NTN4: variants seen among roughly 807,000 people sequenced by gnomAD.
NTN4 encodes the protein netrin 4, also known as netrin-4.
Under a neutral mutation model 73.6 loss-of-function variants are expected in NTN4, and 32 were observed. The observed-to-expected ratio is 0.44, with a 90% CI of 0.33 to 0.58. NTN4 has a LOEUF of 0.58. Among genes scored for constraint, NTN4 ranks in the 20% least tolerant of loss-of-function variants. NTN4 has a pLI of 0.04. For missense variants in NTN4, 654 were observed against 798.3 expected (o/e 0.82, Z 2.18); for synonymous variants, 258 against 287.5 (o/e 0.90, Z 1.04).
At chr12:95,668,892 G>A (rs1349261768) in intron 8 of NTN4, among the ~76,000 whole-genome samples, 1 of 152,242 alleles carries the variant, frequency 6.6e-6, no homozygotes, top group African/African-American at 2.4e-5. Context: ...TTGGGAGGCC[G>A]AGGCAGGCGG....
intron 7 of NTN4, chr12:95,672,718 G>A: frequency 2.1e-6 from 3 of 1,421,238 alleles, no homozygotes; most frequent in Non-Finnish European, 3.0e-6. Flanking sequence ...CATCAGTAAG[G>A]ATCGTAGGTA....
chr12:95,720,528 C>T (rs552539135), intron 3 of NTN4, among the ~76,000 whole-genome samples: 1 of 152,086 alleles, frequency 6.6e-6, no homozygotes, highest in East Asian at 1.9e-4. Context: ...TTCCAATAAA[C>T]GTGTATTTTT....
chr12:95,702,859 T>G (rs367843448), intron 5 of NTN4, among the ~76,000 whole-genome samples: 17 of 73,242 alleles, frequency 2.3e-4, no homozygotes, highest in Non-Finnish European at 3.5e-4. Flanking sequence ...TTTTTTTTGG[T>G]TTTTTTTTTT....
At chr12:95,766,944 G>T (rs778445073) in intron 2 of NTN4, among the ~76,000 whole-genome samples, 1 of 152,174 alleles carries the variant, frequency 6.6e-6, no homozygotes, top group African/African-American at 2.4e-5. Context: ...TTTGTAAAAA[G>T]GAATTAATAT....
chr12:95,739,573 T>A (rs980482540), intron 2 of NTN4, among the ~76,000 whole-genome samples: 1 of 152,264 alleles, frequency 6.6e-6, no homozygotes, highest in Non-Finnish European at 1.5e-5. Flanking sequence ...ATGGGCTTTA[T>A]ATGGAACTGA....
intron 2 of NTN4, among the ~76,000 whole-genome samples, chr12:95,750,878 C>T (rs1181177325): frequency 6.6e-6 from 1 of 151,028 alleles, no homozygotes; most frequent in Non-Finnish European, 1.5e-5. Context: ...TTACAGTTTC[C>T]TTCCGTGACT....
At chr12:95,666,085 A>G in intron 8 of NTN4, 105 bp from the exon 9 acceptor site, 2 of 857,938 alleles carry the variant, frequency 2.3e-6, no homozygotes, top group Non-Finnish European at 3.4e-6. Flanking sequence ...TGAATTGATG[A>G]TGAGGATGTG....
At chr12:95,665,284 T>C (rs187585962) in intron 9 of NTN4, among the ~76,000 whole-genome samples, 5 of 152,356 alleles carry the variant, frequency 3.3e-5, no homozygotes, top group Non-Finnish European at 5.9e-5. Flanking sequence ...GTTTTGTTTA[T>C]TTCTGCTGTT....
intron 2 of NTN4, among the ~76,000 whole-genome samples, chr12:95,778,642 C>T (rs1248415789): frequency 6.6e-6 from 1 of 152,184 alleles, no homozygotes; most frequent in Non-Finnish European, 1.5e-5. Context: ...AGACCAATAA[C>T]AGGCTCTGAA....
chr12:95,666,029 A>G, intron 8 of NTN4, 49 bp from the exon 9 acceptor site: 1 of 1,349,758 alleles, frequency 7.4e-7, no homozygotes, highest in Non-Finnish European at 1.0e-6. Flanking sequence ...TATCATTTGA[A>G]GTTTGAATAA....
chr12:95,715,796 T>C (rs2078600924), intron 3 of NTN4, among the ~76,000 whole-genome samples: 1 of 152,130 alleles, frequency 6.6e-6, no homozygotes, highest in Non-Finnish European at 1.5e-5. Context: ...AAATTCAGTG[T>C]TCTCTCTCAT....
intron 2 of NTN4, among the ~76,000 whole-genome samples, chr12:95,754,380 A>AT (rs1292765721): frequency 1.3e-5 from 2 of 149,654 alleles, no homozygotes; most frequent in African/African-American, 5.0e-5. Context: ...TCTCCATACC[A>AT]CCCCCAAAAA....
intron 2 of NTN4, among the ~76,000 whole-genome samples, chr12:95,761,463 T>C (rs2078986785): frequency 6.6e-6 from 1 of 151,744 alleles, no homozygotes; most frequent in Non-Finnish European, 1.5e-5. Context: ...CCAGAGTAGC[T>C]GGGGTTACAG....
chr12:95,658,979 A>G lies in NTN4; in HGVS notation c.*107T>C. The G allele has an allele frequency of 1.0e-6, 1 of 963,666 alleles. No individual in the cohort carries two copies. The highest frequency in any genetic ancestry group is 1.7e-5 in the South Asian group (1 of 58,058). 59.7% of individuals were successfully genotyped at this position (963,666 alleles called of 1,614,324 possible). On this transcript the variant is annotated 3_prime_UTR_variant, in exon 10 of 10. Transcript: ENST00000343702. ...GACCCATGCATTCAAACATTTCTATATGTTTTGGCACTTTAAAAAATTCCA... is the reference window on the plus strand; with the variant it reads ...GACCCATGCATTCAAACATTTCTATGTGTTTTGGCACTTTAAAAAATTCCA...
chr12:95,788,689 C>G (rs536978718), intron 1 of NTN4, among the ~76,000 whole-genome samples: 1 of 152,290 alleles, frequency 6.6e-6, no homozygotes, highest in East Asian at 1.9e-4. Flanking sequence ...TGGCCAACCC[C>G]ACGAAGCCTT....
At chr12:95,750,383 G>A (rs1381952091) in intron 2 of NTN4, among the ~76,000 whole-genome samples, 1 of 151,768 alleles carries the variant, frequency 6.6e-6, no homozygotes, top group African/African-American at 2.4e-5. Flanking sequence ...CTACTCCCTT[G>A]GCCTGTGTTC....
At chr12:95,714,911 G>A (rs1341193051) in intron 3 of NTN4, among the ~76,000 whole-genome samples, 4 of 152,142 alleles carry the variant, frequency 2.6e-5, no homozygotes, top group African/African-American at 9.7e-5. Flanking sequence ...AAACCAAAAT[G>A]AGTCCCTAAG....
In NTN4 at chr12:95,790,202, G is replaced by A; in HGVS notation, c.55+53C>T. On this transcript the variant is annotated intron_variant, in intron 1 of 9. Coordinates refer to ENST00000343702, the MANE Select transcript of NTN4 (RefSeq NM_021229.4). This position sits in a 1 kb window ranked among gnomAD's most constrained non-coding sequence, Gnocchi z 6.5. ...CCCTGCACCCCCGAGTCCCGAGATG[G>A]GTTAGAGAAGCAGCGAGGGAAGGGG... The A allele has an allele frequency of 6.7e-7, 1 of 1,483,062 alleles. No individual in the cohort carries two copies. Among genetic ancestry groups the A allele is most frequent in the Non-Finnish European group, 9.1e-7 (1 of 1,101,986 alleles). 91.9% of individuals were successfully genotyped at this position (1,483,062 alleles called of 1,614,324 possible).
intron 5 of NTN4, among the ~76,000 whole-genome samples, chr12:95,687,217 T>C (rs1276738221): frequency 2.0e-5 from 3 of 152,192 alleles, no homozygotes; most frequent in Non-Finnish European, 4.4e-5. Flanking sequence ...TATTTCACCA[T>C]AAAAATGCAA....
Sources: gnomAD v4.1 joint callset for allele counts (sites outside exome capture counted in the v4.1 genomes callset) on GRCh38, gnomAD v4.1.1 for gene constraint, Gnocchi (gnomAD v3.1) non-coding constraint, MANE v1.5 for transcripts, NCBI Gene and HGNC (gene_info 2026-07-23, HGNC 2026-07-21) for gene names.